Variants in FGFR2 observed in about 807,000 individuals in gnomAD.
FGFR2 encodes the protein fibroblast growth factor receptor 2, also known as BEK fibroblast growth factor receptor.
A neutral mutation model predicts 95.9 loss-of-function variants in FGFR2; 19 were observed. The ratio of observed to expected loss-of-function variants is 0.20; its 90% CI spans 0.14 to 0.29. FGFR2 has a LOEUF of 0.29. FGFR2 is among the 10% of genes least tolerant of loss of function. FGFR2 has a pLI of 1.00. For synonymous variants in FGFR2, 392 were observed against 393.3 expected (o/e 1.00, Z 0.04); for missense variants, 707 against 1,056.9 (o/e 0.67, Z 4.59).
At chr10:121,505,857 G>A (rs1179081879) in intron 9 of FGFR2, among the ~76,000 whole-genome samples, 3 of 152,282 alleles carry the variant, frequency 2.0e-5, no homozygotes, top group African/African-American at 2.4e-5. Context: ...CGGGTTTAAC[G>A]GCCAATGATG....
intron 2 of FGFR2, among the ~76,000 whole-genome samples, chr10:121,568,595 G>C (rs962867423): frequency 6.6e-6 from 1 of 151,184 alleles, no homozygotes; most frequent in African/African-American, 2.4e-5. Flanking sequence ...ATGTCACGCA[G>C]AGGAATGCTC....
chr10:121,483,036 A>C (rs1172298327), intron 17 of FGFR2, among the ~76,000 whole-genome samples: 1 of 152,210 alleles, frequency 6.6e-6, no homozygotes, highest in Non-Finnish European at 1.5e-5. Flanking sequence ...GCCTCAGGTG[A>C]TCTGCCCTCC....
intron 2 of FGFR2, 50 bp downstream of exon 2, chr10:121,593,659 C>T (rs2135480560): frequency 6.6e-7 from 1 of 1,523,626 alleles, no homozygotes; most frequent in Non-Finnish European, 9.1e-7. Context: ...AACAATCTGC[C>T]CCCAGACAAA....
At chr10:121,534,266 T>G (rs981365417) in intron 6 of FGFR2, among the ~76,000 whole-genome samples, 35 of 151,802 alleles carry the variant, frequency 2.3e-4, no homozygotes, top group African/African-American at 8.5e-4. Context: ...CCCTGGGTAA[T>G]TTTTGTATTT....
intron 2 of FGFR2, among the ~76,000 whole-genome samples, chr10:121,580,156 G>T (rs1860607431): frequency 6.6e-6 from 1 of 152,166 alleles, no homozygotes; most frequent in Non-Finnish European, 1.5e-5. Context: ...AGTGGCCAAG[G>T]CTACAAAAGA....
chr10:121,527,034 C>T, intron 6 of FGFR2: 1 of 340,276 alleles, frequency 2.9e-6, no homozygotes, highest in East Asian at 4.2e-5. Flanking sequence ...ATGGAGGCTG[C>T]ACCCTGTGAA....
chr10:121,488,645 T>C (rs1845747239), intron 13 of FGFR2, among the ~76,000 whole-genome samples: 1 of 151,754 alleles, frequency 6.6e-6, no homozygotes, highest in Admixed American at 6.6e-5. Flanking sequence ...GATCACGACA[T>C]GTATTTGTTT....
intron 11 of FGFR2, among the ~76,000 whole-genome samples, chr10:121,499,671 G>A (rs1162515160): frequency 2.6e-5 from 4 of 152,182 alleles, no homozygotes; most frequent in Admixed American, 1.3e-4. Flanking sequence ...CAGAAGTTCC[G>A]CCAAAAGAGA....
chr10:121,577,208 C>T (rs7908575), intron 2 of FGFR2, among the ~76,000 whole-genome samples: 1 of 62,116 alleles, frequency 1.6e-5, no homozygotes, highest in Non-Finnish European at 3.2e-5. Flanking sequence ...GAGAGAGAGA[C>T]ACCAAACAGA....
chr10:121,569,915 T>A (rs2981428), intron 2 of FGFR2, among the ~76,000 whole-genome samples: 1 of 151,992 alleles, frequency 6.6e-6, no homozygotes, highest in Non-Finnish European at 1.5e-5. Context: ...CAAGCACATG[T>A]TAGGGAGAAT....
At chr10:121,551,118 G>T (rs955805090) in intron 5 of FGFR2, among the ~76,000 whole-genome samples, 172 bp downstream of exon 5, 2 of 152,086 alleles carry the variant, frequency 1.3e-5, no homozygotes, top group African/African-American at 4.8e-5. Flanking sequence ...TACTCGGGAG[G>T]CTGAGGCAGG....
At chr10:121,506,357 CAA>C (rs10678814) in intron 9 of FGFR2, among the ~76,000 whole-genome samples, 5 of 101,168 alleles carry the variant, frequency 4.9e-5, no homozygotes, top group African/African-American at 1.2e-4. Flanking sequence ...GACTCCGTCT[CAA>C]AAAAAAAAAA....
At position 121,598,346 on chromosome 10, in the gene FGFR2, C is replaced by G. The variant is rs886046767; in HGVS notation, c.-535G>C. 1.2e-5 allele frequency: 3 copies of G among 253,148 alleles called. No homozygotes were observed. The highest frequency in any genetic ancestry group is 2.3e-5 in the African/African-American group (1 of 44,020). 15.7% of individuals were successfully genotyped at this position (253,148 alleles called of 1,614,324 possible). On this transcript the variant is annotated 5_prime_UTR_variant, in exon 1 of 18. An upstream start codon of the reference 5' UTR is lost. Transcript: ENST00000358487. Reference sequence around the variant, plus strand: ...TCGCCGCGCCGGGCCAGGTACGCCGCATGCAGCCCCGCGGCGCCCGAGCTT... The same window carrying G: ...TCGCCGCGCCGGGCCAGGTACGCCGGATGCAGCCCCGCGGCGCCCGAGCTT...
intron 6 of FGFR2, among the ~76,000 whole-genome samples, chr10:121,525,694 A>G (rs543645314): frequency 6.6e-6 from 1 of 152,216 alleles, no homozygotes; most frequent in African/African-American, 2.4e-5. Flanking sequence ...TTAATTGACC[A>G]TTGAAATTTT....
intron 2 of FGFR2, among the ~76,000 whole-genome samples, chr10:121,576,800 C>G (rs570721546): frequency 3.1e-4 from 47 of 151,998 alleles, no homozygotes; most frequent in Admixed American, 3.3e-4. Flanking sequence ...CATTTTTGTC[C>G]CTTCTCTGGT....
chr10:121,571,820 A>G (rs929176905), intron 2 of FGFR2, among the ~76,000 whole-genome samples: 1 of 151,706 alleles, frequency 6.6e-6, no homozygotes, highest in Non-Finnish European at 1.5e-5. Context: ...GCGCATGCCT[A>G]TAGTCCCAGC....
chr10:121,499,084 A>G (rs565271267), intron 11 of FGFR2, among the ~76,000 whole-genome samples: 2 of 152,286 alleles, frequency 1.3e-5, no homozygotes, highest in Admixed American at 6.5e-5. Flanking sequence ...CCCCATAAAC[A>G]GGGCCATAAA....
chr10:121,503,309 T>C (rs1480678095), intron 10 of FGFR2, among the ~76,000 whole-genome samples: 1 of 152,256 alleles, frequency 6.6e-6, no homozygotes, highest in Non-Finnish European at 1.5e-5. Flanking sequence ...TCAGGTACCA[T>C]ATTTGAAGCT....
chr10:121,523,941 C>T (rs1258104911), intron 6 of FGFR2, among the ~76,000 whole-genome samples: 3 of 152,204 alleles, frequency 2.0e-5, no homozygotes, highest in Non-Finnish European at 4.4e-5. Context: ...GCTTTCATCC[C>T]GCCTGACATC....
Sources: allele counts gnomAD v4.1 joint callset (sites outside exome capture counted in the v4.1 genomes callset), GRCh38; gene constraint gnomAD v4.1.1; transcripts MANE v1.5; gene names NCBI Gene and HGNC (gene_info 2026-07-23, HGNC 2026-07-21).